XYLT1: variants seen among roughly 807,000 people sequenced by gnomAD.
XYLT1 encodes xylosyltransferase 1.
XYLT1 carries 36 observed loss-of-function variants against 91.3 expected under a neutral mutation model. That is an observed-to-expected ratio of 0.39 (90% CI 0.30 to 0.52). The LOEUF is 0.52. XYLT1 is among the 20% of genes least tolerant of loss of function. The probability of loss-of-function intolerance (pLI) is 0.68; values close to 1 mark genes in which losing one functional copy is unlikely to be tolerated. For synonymous variants in XYLT1, 588 were observed against 532.0 expected (o/e 1.11, Z -1.45); for missense variants, 1,242 against 1,284.5 (o/e 0.97, Z 0.51).
chr16:17,440,398 C>G (rs1490002569), intron 1 of XYLT1, among the ~76,000 whole-genome samples: 4 of 152,222 alleles, frequency 2.6e-5, no homozygotes, highest in Non-Finnish European at 4.4e-5. Flanking sequence ...ATCAGAATGA[C>G]TTCCTGGATG....
intron 1 of XYLT1, among the ~76,000 whole-genome samples, chr16:17,362,001 G>A (rs765850240): frequency 6.6e-6 from 1 of 152,164 alleles, no homozygotes; most frequent in Admixed American, 6.5e-5. Context: ...GTATAGAGAT[G>A]GAGAAACTGA....
At chr16:17,311,986 G>C (rs761484908) in intron 2 of XYLT1, among the ~76,000 whole-genome samples, 5 of 152,124 alleles carry the variant, frequency 3.3e-5, no homozygotes, top group South Asian at 2.1e-4. Context: ...TGGAGGGAGG[G>C]AATTATAGGA....
intron 2 of XYLT1, among the ~76,000 whole-genome samples, chr16:17,269,029 T>C (rs2033849120): frequency 6.6e-6 from 1 of 152,176 alleles, no homozygotes; most frequent in Admixed American, 6.5e-5. Context: ...TGAATCATCC[T>C]CAGGGAGGAA....
intron 2 of XYLT1, among the ~76,000 whole-genome samples, chr16:17,327,354 CTTTTTTCT>C (rs1180939369): frequency 5.9e-5 from 8 of 134,656 alleles, no homozygotes; most frequent in African/African-American, 1.6e-4. Flanking sequence ...CTTTTCTTTT[CTTTTTTCT>C]TTTTTTTTTT....
chr16:17,164,038 CAAAAAAAAAAAAAAAAAAAAAAA>C, intron 5 of XYLT1, among the ~76,000 whole-genome samples: 1 of 44,424 alleles, frequency 2.3e-5, no homozygotes, highest in African/African-American at 7.5e-5. Context: ...AACTCTGTCT[CAAAAAAAAAAAAAAAAAAAAAAA>C]AAAAAAAAGA....
At position 17,381,275 on chromosome 16, in the gene XYLT1, T is replaced by C. The variant is rs149561301; in HGVS notation, c.364-23225A>G. Among the ~76,000 whole-genome samples, 759 of 152,162 alleles carry C rather than the reference T, an allele frequency of 5.0e-3. 6 individuals are homozygous for C. Among genetic ancestry groups the C allele is most frequent in the African/African-American group, 0.017 (719 of 41,514 alleles). ...TTGGGGTGATGATGTCACAGGTGGA[T>C]ACAGATATCAAAACTCATCAAATTT... On this transcript the variant is annotated intron_variant, in intron 1 of 11. Transcript: ENST00000261381.
intron 5 of XYLT1, among the ~76,000 whole-genome samples, chr16:17,160,067 C>G (rs575749345): frequency 1.3e-5 from 2 of 152,340 alleles, no homozygotes; most frequent in African/African-American, 4.8e-5. Flanking sequence ...CTTCGAGAAG[C>G]AGGACAGTGC....
At chr16:17,232,583 G>A (rs1341575754) in intron 3 of XYLT1, among the ~76,000 whole-genome samples, 1 of 151,700 alleles carries the variant, frequency 6.6e-6, no homozygotes, top group African/African-American at 2.4e-5. Context: ...TGGCGGTGGT[G>A]TTGGCAGTGA....
chr16:17,470,658 C>A lies in XYLT1; in HGVS notation c.139G>T (p.Gly47Trp). ...SLDSGAGERRGGAAVGGGEQP... is the reference protein window; with the variant it reads ...SLDSGAGERRWGAAVGGGEQP... ...TCCCCGCCGCCGACCGCTGCGCCCC[C>A]GCGGCGCTCCCCGGCCCCGGAGTCG... is the stretch of plus-strand genomic sequence containing the variant. Residue 47 changes from glycine (G) to tryptophan (W), a missense_variant, in exon 1 of 12, where the codon GGG (glycine) becomes TGG (tryptophan). Gly to Trp is a radical substitution (Grantham distance 184, BLOSUM62 -2). Around this residue, in one of 3 missense-constraint regions of XYLT1, gnomAD observed 437 missense variants for 411.5 expected, o/e 1.06. Coordinates refer to ENST00000261381, the MANE Select transcript of XYLT1 (RefSeq NM_022166.4). 1.8e-6 allele frequency: 2 copies of A among 1,134,616 alleles called. No homozygotes were observed. Among genetic ancestry groups the A allele is most frequent in the South Asian group, 1.9e-5 (1 of 51,384 alleles). 70.3% of individuals were successfully genotyped at this position (1,134,616 alleles called of 1,614,324 possible).
chr16:17,214,888 T>C (rs2032827152), intron 3 of XYLT1, among the ~76,000 whole-genome samples: 1 of 152,234 alleles, frequency 6.6e-6, no homozygotes, highest in African/African-American at 2.4e-5. Context: ...AGCCAAAATG[T>C]TGTTTAATCT....
intron 1 of XYLT1, among the ~76,000 whole-genome samples, chr16:17,454,312 C>A (rs998652051): frequency 3.3e-5 from 5 of 152,084 alleles, no homozygotes; most frequent in Non-Finnish European, 5.9e-5. Context: ...GTATATTCCA[C>A]AATGAAATAA....
chr16:17,239,146 A>G (rs146035560), intron 3 of XYLT1, among the ~76,000 whole-genome samples: 23 of 152,330 alleles, frequency 1.5e-4, no homozygotes, highest in African/African-American at 5.5e-4. Context: ...TGCCTAGACT[A>G]CCCCAAAGGC....
chr16:17,194,067 C>T (rs1341331780), intron 5 of XYLT1: 1 of 152,174 alleles, frequency 6.6e-6, no homozygotes, highest in East Asian at 1.9e-4. Flanking sequence ...AAATAGGTTG[C>T]ACGCATGGCC....
At chr16:17,368,280 G>A (rs1273793248) in intron 1 of XYLT1, among the ~76,000 whole-genome samples, 1 of 152,138 alleles carries the variant, frequency 6.6e-6, no homozygotes, top group Non-Finnish European at 1.5e-5. Flanking sequence ...TGCAGGGGAC[G>A]GATGGGCCTT....
chr16:17,192,303 C>T (rs573440625), intron 5 of XYLT1, among the ~76,000 whole-genome samples: 38 of 151,956 alleles, frequency 2.5e-4, no homozygotes, highest in African/African-American at 8.0e-4. Context: ...TTTACCATAT[C>T]GGCCAGGCTG....
chr16:17,240,720 A>G (rs1162100994), intron 3 of XYLT1, among the ~76,000 whole-genome samples: 1 of 152,202 alleles, frequency 6.6e-6, no homozygotes, highest in East Asian at 1.9e-4. Context: ...GAGGATAGTA[A>G]TAAGATAATT....
intron 1 of XYLT1, among the ~76,000 whole-genome samples, chr16:17,467,608 C>T (rs988469805): frequency 2.0e-5 from 3 of 152,146 alleles, no homozygotes; most frequent in African/African-American, 7.2e-5. Context: ...ACTTGAGAAA[C>T]GGGGTGTTTC....
At chr16:17,293,541 G>A (rs1377790699) in intron 2 of XYLT1, among the ~76,000 whole-genome samples, 1 of 128,322 alleles carries the variant, frequency 7.8e-6, no homozygotes, top group African/African-American at 2.9e-5. Context: ...CTTCTGTAGT[G>A]CAGCGGCACA....
chr16:17,239,497 C>G (rs1163393890), intron 3 of XYLT1, among the ~76,000 whole-genome samples: 2 of 121,710 alleles, frequency 1.6e-5, no homozygotes, highest in Non-Finnish European at 3.5e-5. Flanking sequence ...CCACCCAGTC[C>G]ATCTATTCAT....
Sources: allele counts gnomAD v4.1 joint callset (sites outside exome capture counted in the v4.1 genomes callset), GRCh38; gene constraint gnomAD v4.1.1; regional missense constraint gnomAD v4.1.1; transcripts MANE v1.5; gene names NCBI Gene and HGNC (gene_info 2026-07-23, HGNC 2026-07-21).